Variants in DGKB observed in about 807,000 individuals in gnomAD.
DGKB encodes the protein diacylglycerol kinase beta.
A neutral mutation model predicts 114.3 loss-of-function variants in DGKB; 67 were observed. The observed-to-expected ratio is 0.59, with a 90% CI of 0.48 to 0.72. The LOEUF is 0.72. Among genes scored for constraint, DGKB ranks in the 30% least tolerant of loss-of-function variants. DGKB has a pLI of 0.00. For synonymous variants in DGKB, 398 were observed against 323.1 expected (o/e 1.23, Z -2.49); for missense variants, 907 against 975.2 (o/e 0.93, Z 0.93).
chr7:14,836,238 T>C (rs915258340), intron 2 of DGKB, among the ~76,000 whole-genome samples: 5 of 152,232 alleles, frequency 3.3e-5, no homozygotes, highest in African/African-American at 1.2e-4. Context: ...CCAAACATTA[T>C]GCACATTCGT....
In DGKB at chr7:14,785,893, CT is replaced by C. The variant is rs367579936; in HGVS notation, c.71-28163del. ...TCAGACATTAAAGGAAGAAGTTTTT[CT>C]TTTTTTTTTTTTGCAAGAGCTGTAA... On this transcript the variant is annotated intron_variant, in intron 2 of 25. Transcript: ENST00000402815. Among the ~76,000 whole-genome samples, 911 of 140,280 alleles carry C rather than the reference CT, an allele frequency of 6.5e-3. 2 individuals are homozygous for C. Among genetic ancestry groups the C allele is most frequent in the African/African-American group, 7.6e-3 (294 of 38,808 alleles). 92.0% of individuals were successfully genotyped at this position (140,280 alleles called of 152,430 possible).
At chr7:14,925,808 T>C (rs1784714538) in intron 1 of DGKB, among the ~76,000 whole-genome samples, 1 of 152,144 alleles carries the variant, frequency 6.6e-6, no homozygotes, top group African/African-American at 2.4e-5. Context: ...AGTTTTTCAG[T>C]TTCTATGTGA....
Position 14,145,942 on chromosome 7 carries a change from C to CAAAAT in DGKB, c.*3184_*3188dup. 1 of 152,188 alleles carries CAAAAT rather than the reference C, an allele frequency of 6.6e-6. No homozygotes were observed. The highest frequency in any genetic ancestry group is 2.1e-4 in the South Asian group (1 of 4,824). The allele number at this position is 152,188 out of a possible 1,614,324, so 9.4% of individuals were successfully genotyped here. ...TTCCCATATGCCTAAAAAACGAAAA[C>CAAAAT]AAAATAAAATGTGGAAACACGTATG... On this transcript the variant is annotated 3_prime_UTR_variant, in exon 26 of 26. Transcript: ENST00000402815.
intron 1 of DGKB, among the ~76,000 whole-genome samples, chr7:14,882,325 C>A (rs1854356577): frequency 6.6e-6 from 1 of 151,948 alleles, no homozygotes; most frequent in African/African-American, 2.4e-5. Flanking sequence ...ACACAAGGAC[C>A]ATATCTTCTT....
chr7:14,333,528 A>G (rs1050378803), intron 23 of DGKB, among the ~76,000 whole-genome samples: 1 of 151,898 alleles, frequency 6.6e-6, no homozygotes, highest in South Asian at 2.1e-4. Flanking sequence ...GACAATTGCA[A>G]TGCGATAGTA....
intron 1 of DGKB, among the ~76,000 whole-genome samples, chr7:14,931,411 T>C (rs1477252676): frequency 2.0e-5 from 3 of 152,126 alleles, no homozygotes; most frequent in African/African-American, 7.2e-5. Context: ...TGCCCAGCAG[T>C]TTGCTAGTAT....
chr7:14,541,804 C>A (rs2128620669), intron 20 of DGKB, among the ~76,000 whole-genome samples: 1 of 152,292 alleles, frequency 6.6e-6, no homozygotes, highest in Non-Finnish European at 1.5e-5. Flanking sequence ...GTCAGTAAGT[C>A]AGACAATGTT....
At chr7:14,429,501 T>G (rs760872704) in intron 21 of DGKB, among the ~76,000 whole-genome samples, 7 of 152,246 alleles carry the variant, frequency 4.6e-5, no homozygotes, top group Admixed American at 6.5e-5. Context: ...TACAGCACTC[T>G]GAGCTAAGAC....
intron 13 of DGKB, among the ~76,000 whole-genome samples, chr7:14,672,071 C>T (rs1016314779): frequency 1.3e-5 from 2 of 151,668 alleles, no homozygotes; most frequent in African/African-American, 2.4e-5. Flanking sequence ...TAAAATACAA[C>T]CAGTATTTTA....
chr7:14,878,873 A>C (rs1349476801), intron 1 of DGKB, among the ~76,000 whole-genome samples: 1 of 152,038 alleles, frequency 6.6e-6, no homozygotes, highest in Non-Finnish European at 1.5e-5. Context: ...ATCCATTGCA[A>C]ATCTTGCATA....
chr7:14,419,626 GA>G (rs35214296), intron 21 of DGKB, among the ~76,000 whole-genome samples: 277 of 142,456 alleles, frequency 1.9e-3, no homozygotes, highest in Middle Eastern at 3.7e-3. Flanking sequence ...CACTTAATTT[GA>G]AAAAAAAAAA....
chr7:14,542,906 G>A (rs1736211472), intron 20 of DGKB, among the ~76,000 whole-genome samples: 1 of 152,158 alleles, frequency 6.6e-6, no homozygotes, highest in African/African-American at 2.4e-5. Context: ...TGCTTCAGCT[G>A]ACTTTGCTGT....
intron 23 of DGKB, among the ~76,000 whole-genome samples, chr7:14,214,828 A>T (rs1242238116): frequency 6.6e-6 from 1 of 152,162 alleles, no homozygotes; most frequent in African/African-American, 2.4e-5. Context: ...ATTTCAAATG[A>T]ATAAGACTAA....
At chr7:14,316,079 A>G (rs1316659037) in intron 23 of DGKB, among the ~76,000 whole-genome samples, 1 of 150,522 alleles carries the variant, frequency 6.6e-6, no homozygotes, top group Non-Finnish European at 1.5e-5. Context: ...TGTTCTTTGA[A>G]ACCAACGAGA....
rs140029110 is a variant in DGKB at position 14,863,379 on chromosome 7, G to C, written c.-187-21929C>G. On this transcript the variant is annotated intron_variant, in intron 1 of 25. Transcript: ENST00000402815. ...AGTCATATTTTTAAACTATGGTCAA[G>C]AAGGTAATAATATTTATATTAAAAA... is the stretch of plus-strand genomic sequence containing the variant. Among the ~76,000 whole-genome samples, 572 of 151,162 alleles carry C rather than the reference G, an allele frequency of 3.8e-3. 5 individuals carry two copies. Among genetic ancestry groups the C allele is most frequent in the Non-Finnish European group, 6.8e-3 (460 of 67,740 alleles).
At chr7:14,850,350 C>G (rs1319682233) in intron 1 of DGKB, among the ~76,000 whole-genome samples, 1 of 150,372 alleles carries the variant, frequency 6.7e-6, no homozygotes, top group Non-Finnish European at 1.5e-5. Flanking sequence ...CTTTTTTTTT[C>G]TTGTAGAAAT....
intron 23 of DGKB, among the ~76,000 whole-genome samples, chr7:14,260,126 A>G (rs1796558030): frequency 7.3e-6 from 1 of 136,558 alleles, no homozygotes; most frequent in Non-Finnish European, 1.6e-5. Context: ...ACACACACAC[A>G]CACACACACA....
At chr7:14,848,692 A>G (rs148130606) in intron 1 of DGKB, among the ~76,000 whole-genome samples, 30 of 152,276 alleles carry the variant, frequency 2.0e-4, no homozygotes, top group African/African-American at 6.7e-4. Flanking sequence ...TCAGAAGTCA[A>G]CTTAGGTTTT....
chr7:14,722,675 G>A (rs374736194), intron 5 of DGKB, among the ~76,000 whole-genome samples: 19 of 152,016 alleles, frequency 1.2e-4, no homozygotes, highest in African/African-American at 3.6e-4. Flanking sequence ...AGCTGGGCGC[G>A]GTGGTACATG....
Sources: allele counts gnomAD v4.1 joint callset (sites outside exome capture counted in the v4.1 genomes callset), GRCh38; gene constraint gnomAD v4.1.1; transcripts MANE v1.5; gene names NCBI Gene and HGNC (gene_info 2026-07-23, HGNC 2026-07-21).